TRPM4: variants seen among roughly 807,000 people sequenced by gnomAD.
TRPM4 encodes the protein transient receptor potential cation channel subfamily M member 4, also known as calcium-activated non-selective cation channel 1.
Under a neutral mutation model 135.6 loss-of-function variants are expected in TRPM4, and 124 were observed. The ratio of observed to expected loss-of-function variants is 0.91; its 90% confidence interval spans 0.79 to 1.06. TRPM4 has a LOEUF of 1.06. Among genes scored for constraint, TRPM4 ranks in the 50% least tolerant of loss-of-function variants. The probability of loss-of-function intolerance (pLI) is 0.00; values close to 1 mark genes in which losing one functional copy is unlikely to be tolerated. For synonymous variants in TRPM4, 745 were observed against 705.6 expected (o/e 1.06, Z -0.88); for missense variants, 1,658 against 1,671.4 (o/e 0.99, Z 0.14).
chr19:49,192,999 A>ATGAC (rs1158858682), intron 16 of TRPM4, among the ~76,000 whole-genome samples: 3 of 151,854 alleles, frequency 2.0e-5, no homozygotes, highest in African/African-American at 7.3e-5. Context: ...TGTGATGATG[A>ATGAC]TGACGACCTT....
chr19:49,200,584 G>A, intron 18 of TRPM4, 27 bp from the exon 19 acceptor site: 1 of 1,609,230 alleles, frequency 6.2e-7, no homozygotes, highest in Non-Finnish European at 8.5e-7. Flanking sequence ...AAAGGGCGGG[G>A]CCAGACTCAG....
In TRPM4 at chr19:49,210,656, C is replaced by G. The variant is rs1969320803; in HGVS notation, c.3329-54C>G. 6.2e-7 allele frequency: 1 copy of G among 1,613,304 alleles called. No homozygotes were observed. Among genetic ancestry groups the G allele is most frequent in the Non-Finnish European group, 8.5e-7 (1 of 1,179,762 alleles). On this transcript the variant is annotated intron_variant, in intron 21 of 24. Coordinates refer to ENST00000252826, the MANE Select transcript of TRPM4 (RefSeq NM_017636.4). The surrounding 1 kb of genome is among the most constrained non-coding windows in gnomAD (Gnocchi z 4.1). ...GTTCTGAGGGTGTCGGAAGGGGCAG[C>G]TGGGATTGGGAAGGGGCGTGGCCTG...
At chr19:49,177,562 G>A (rs999812089) in intron 9 of TRPM4, among the ~76,000 whole-genome samples, 4 of 151,904 alleles carry the variant, frequency 2.6e-5, no homozygotes, top group Admixed American at 6.6e-5. Context: ...TTCTGACCTC[G>A]TGATCTGCCT....
intron 20 of TRPM4, among the ~76,000 whole-genome samples, chr19:49,202,738 C>T (rs185778647): frequency 7.2e-5 from 11 of 152,178 alleles, no homozygotes; most frequent in African/African-American, 2.6e-4. Flanking sequence ...AGGGTTTCAC[C>T]ATGTTGGCCT....
intron 9 of TRPM4, among the ~76,000 whole-genome samples, chr19:49,173,772 C>A (rs1231878844): frequency 6.6e-6 from 1 of 152,034 alleles, no homozygotes; most frequent in African/African-American, 2.4e-5. Context: ...ATCCTCCCAC[C>A]CCAGCCTTCC....
At chr19:49,177,105 A>G (rs1398678213) in intron 9 of TRPM4, among the ~76,000 whole-genome samples, 1 of 152,072 alleles carries the variant, frequency 6.6e-6, no homozygotes, top group Admixed American at 6.6e-5. Flanking sequence ...GGTAACTCTC[A>G]GTGGGCAAAT....
chr19:49,204,308 T>C (rs1229538997), intron 20 of TRPM4, among the ~76,000 whole-genome samples: 2 of 152,228 alleles, frequency 1.3e-5, no homozygotes, highest in Non-Finnish European at 2.9e-5. Flanking sequence ...GGTAATTCTA[T>C]GTATAGCTTT....
chr19:49,202,186 C>A (rs542605774), intron 20 of TRPM4, 45 bp downstream of exon 20: 2 of 1,605,132 alleles, frequency 1.2e-6, no homozygotes, highest in South Asian at 1.1e-5. Context: ...CAGCATGACC[C>A]GTGGCCCTCT....
In TRPM4 at chr19:49,188,665, C is replaced by T. The variant is rs1312315869; in HGVS notation, c.1768C>T (p.Leu590Phe). The change falls in exon 13 of 25, where the codon CTT (leucine) becomes TTT (phenylalanine). Residue 590 changes from leucine to phenylalanine, a missense_variant. By Grantham distance (22) the Leu-to-Phe change is conservative. Coordinates refer to ENST00000252826, the MANE Select transcript of TRPM4 (RefSeq NM_017636.4). The part of the protein sequence containing the change: ...EMGSNAVSSA[L>F]GACLLLRVMA... The stretch of plus-strand genomic sequence containing the variant: ...GGGTTCCAATGCAGTTTCCTCAGCT[C>T]TTGGGGCCTGTTTGCTGCTCCGGGT... 8.1e-6 allele frequency: 13 copies of T among 1,614,180 alleles called. No individual in the cohort carries two copies. The highest frequency in any genetic ancestry group is 1.1e-5 in the Non-Finnish European group (13 of 1,180,046).
chr19:49,198,941 C>T (rs1278596582), intron 17 of TRPM4, among the ~76,000 whole-genome samples: 1 of 151,934 alleles, frequency 6.6e-6, no homozygotes, highest in Non-Finnish European at 1.5e-5. Flanking sequence ...GTTTACATCC[C>T]AGATGTAAAG....
In TRPM4 at chr19:49,171,630, CA is replaced by C; in HGVS notation, c.912del (p.Gly306GlufsTer50). 1 of 1,613,988 alleles carries C rather than the reference CA, an allele frequency of 6.2e-7. No individual in the cohort carries two copies. Among genetic ancestry groups the C allele is most frequent in the Non-Finnish European group, 8.5e-7 (1 of 1,180,028 alleles). On this transcript the variant is annotated frameshift_variant, in exon 8 of 25. Coordinates refer to ENST00000252826, the MANE Select transcript of TRPM4 (RefSeq NM_017636.4). LOFTEE classifies it high-confidence loss of function. This position sits in a 1 kb window ranked among gnomAD's most constrained non-coding sequence, Gnocchi z 4.7. ...AQLPCLLVAG[S>X]GGAADCLAET... ...CTCCCATGTCTCCTCGTGGCTGGCT[CA>C]GGGGGAGCTGCGGACTGCCTGGCGG...
At chr19:49,188,544 G>A in intron 12 of TRPM4, 97 bp from the exon 13 acceptor site, 1 of 1,569,328 alleles carries the variant, frequency 6.4e-7, no homozygotes, top group Non-Finnish European at 8.8e-7. Flanking sequence ...ACCCCAGTTA[G>A]TTTCTGACCT....
chr19:49,163,199 T>TTA (rs1491225175), intron 2 of TRPM4, among the ~76,000 whole-genome samples: 3 of 17,780 alleles, frequency 1.7e-4, no homozygotes, highest in African/African-American at 2.2e-4. Context: ...ATTATTATTA[T>TTA]TTTTTTTTTT....
At chr19:49,201,014 T>G (rs1054509307) in intron 19 of TRPM4, among the ~76,000 whole-genome samples, 3 of 151,726 alleles carry the variant, frequency 2.0e-5, no homozygotes, top group Admixed American at 2.0e-4. Context: ...TTTTTTTTCT[T>G]TTTTTTTGAG....
In TRPM4 at chr19:49,157,874, T is replaced by G. The variant is rs1600378229; in HGVS notation, c.8T>G (p.Val3Gly). The G allele has an allele frequency of 6.5e-7, 1 of 1,534,384 alleles. No individual in the cohort carries two copies. Among genetic ancestry groups the G allele is most frequent in the Non-Finnish European group, 8.7e-7 (1 of 1,146,362 alleles). ...TGCGGCGGCCGCGGCAGCATGGTGGTGCCGGAGAAGGAGCAGGTGAGCGCC... is the reference window on the plus strand; with the variant it reads ...TGCGGCGGCCGCGGCAGCATGGTGGGGCCGGAGAAGGAGCAGGTGAGCGCC... MV[V>G]PEKEQSWIPK... Residue 3 changes from valine to glycine, a missense_variant, in exon 1 of 25, where the codon GTG (valine) becomes GGG (glycine). Physicochemically the swap from Val to Gly is moderately radical, Grantham distance 109. This residue lies in a region of TRPM4 where 239 missense variants were observed against 240.1 expected (regional missense o/e 1.00). Coordinates refer to ENST00000252826, the MANE Select transcript of TRPM4 (RefSeq NM_017636.4).
Position 49,210,093 on chromosome 19 carries a change from A to C in TRPM4, c.3132-116A>C. On this transcript the variant is annotated intron_variant, in intron 20 of 24. Transcript: ENST00000252826. The surrounding 1 kb of genome is among the most constrained non-coding windows in gnomAD (Gnocchi z 4.1). ...CATCCTGTAACCTCTGACTTTAGTG[A>C]TCTTGACTTCTGTCTGCTGCTATAG... The C allele has an allele frequency of 8.7e-7, 1 of 1,145,828 alleles. No individual in the cohort carries two copies. The highest frequency in any genetic ancestry group is 1.3e-6 in the Non-Finnish European group (1 of 756,224). The allele number at this position is 1,145,828 out of a possible 1,614,324, so 71.0% of individuals were successfully genotyped here. A position where few individuals can be genotyped will look rare whatever the true frequency, so the allele number is the denominator to read the frequency against.
intron 20 of TRPM4, among the ~76,000 whole-genome samples, chr19:49,207,636 C>CAA (rs34758808): frequency 0.075 from 2,888 of 38,346 alleles, 378 homozygotes; most frequent in African/African-American, 0.21. Context: ...AACCTTGTCT[C>CAA]AAAAAAAAAA....
In TRPM4 at chr19:49,202,125, C is replaced by A; in HGVS notation, c.3115C>A (p.Leu1039Ile). 6.2e-7 allele frequency: 1 copy of A among 1,614,062 alleles called. No homozygotes were observed. Residue 1039 changes from leucine to isoleucine, a missense_variant, in exon 20 of 25, where the codon CTC becomes ATC. Around this residue, in one of 3 missense-constraint regions of TRPM4, gnomAD observed 1,412 missense variants for 1,408.7 expected, o/e 1.00. Coordinates refer to ENST00000252826, the MANE Select transcript of TRPM4 (RefSeq NM_017636.4). ...GGCCAACATCCTGCTGGTCAACTTG[C>A]TCATTGCCATGTTCAGGTGAGGCCT... ...LVANILLVNL[L>I]IAMFSYTFGK...
intron 16 of TRPM4, among the ~76,000 whole-genome samples, chr19:49,193,311 G>C (rs886152345): frequency 2.0e-5 from 3 of 152,058 alleles, no homozygotes; most frequent in African/African-American, 7.2e-5. Flanking sequence ...TCGATCTCCT[G>C]ACCTCGTGAT....
Sources: allele counts gnomAD v4.1 joint callset (sites outside exome capture counted in the v4.1 genomes callset), GRCh38; gene constraint gnomAD v4.1.1; regional missense constraint gnomAD v4.1.1; non-coding constraint Gnocchi (gnomAD v3.1); transcripts MANE v1.5; gene names NCBI Gene and HGNC (gene_info 2026-07-23, HGNC 2026-07-21).